The following ARPC2 variants were observed in gnomAD, a reference collection of about 807,000 sequenced individuals.
ARPC2 encodes actin-related protein 2/3 complex subunit 2.
A neutral mutation model predicts 38.6 loss-of-function variants in ARPC2; 4 were observed. The observed-to-expected ratio is 0.10, with a 90% CI of 0.05 to 0.24. ARPC2 has a LOEUF of 0.24. Among genes scored for constraint, ARPC2 ranks in the 10% least tolerant of loss-of-function variants. ARPC2 has a pLI of 1.00. For missense variants in ARPC2, 229 were observed against 387.3 expected (o/e 0.59, Z 3.43); for synonymous variants, 125 against 140.8 (o/e 0.89, Z 0.79).
rs143905486 is a variant in ARPC2 at position 218,225,874 on chromosome 2, C to G, written c.75-46C>G. Reference sequence around the variant, plus strand: ...CTTTCCAGTTCCCTTTGAAGGTAAGCAGCAATACAGTCATCTTAACTGAGG... The same window carrying G: ...CTTTCCAGTTCCCTTTGAAGGTAAGGAGCAATACAGTCATCTTAACTGAGG... On this transcript the variant is annotated intron_variant, in intron 2 of 10. Transcript: ENST00000315717. The G allele has an allele frequency of 1.7e-3, 2,695 of 1,597,126 alleles. 45 individuals are homozygous for G. The African/African-American group carries it at 0.032, about 19-fold the overall frequency.
chr2:218,246,952 TG>T (rs1316950469), intron 8 of ARPC2, among the ~76,000 whole-genome samples: 2 of 151,846 alleles, frequency 1.3e-5, no homozygotes, highest in African/African-American at 4.9e-5. Context: ...CGCTCCAGCC[TG>T]GGAGACTGTC....
chr2:218,242,182 A>AC (rs1689931342), intron 7 of ARPC2, among the ~76,000 whole-genome samples: 1 of 152,206 alleles, frequency 6.6e-6, no homozygotes, highest in South Asian at 2.1e-4. Flanking sequence ...TCAGAAAAAG[A>AC]CAGGAAGTGT....
intron 10 of ARPC2, among the ~76,000 whole-genome samples, chr2:218,251,811 ACT>A (rs1215210809): frequency 1.3e-5 from 2 of 151,850 alleles, no homozygotes; most frequent in Non-Finnish European, 2.9e-5. Context: ...AGGGCTTTAC[ACT>A]CTCTCTCTTG....
At chr2:218,218,390 A>T (rs1689308807) in intron 2 of ARPC2, among the ~76,000 whole-genome samples, 1 of 152,266 alleles carries the variant, frequency 6.6e-6, no homozygotes, top group South Asian at 2.1e-4. Flanking sequence ...ACTTTTTAAA[A>T]GATGGGCTTA....
Position 218,252,585 on chromosome 2 carries a change from G to A in ARPC2, c.879-1306G>A, listed in dbSNP as rs1438183191. ...CCAGTAGACAGGCAGTTCAGTAGAG[G>A]CCAAGAGGTAAACTGGCAGCCAGGT... On this transcript the variant is annotated intron_variant, in intron 10 of 10. Coordinates refer to ENST00000315717, the MANE Select transcript of ARPC2 (RefSeq NM_152862.3). 2.0e-5 allele frequency among the ~76,000 whole-genome samples: 3 copies of A among 152,300 alleles called. No individual in the cohort carries two copies. The East Asian group carries it at 5.8e-4, about 29-fold the overall frequency.
intron 3 of ARPC2, among the ~76,000 whole-genome samples, chr2:218,226,626 CAAAAA>C (rs34789459): frequency 1.6e-5 from 1 of 61,488 alleles, no homozygotes; most frequent in Non-Finnish European, 2.8e-5. Context: ...GACTCCATCT[CAAAAA>C]AAAAAAAAAA....
intron 3 of ARPC2, chr2:218,227,037 A>G (rs1285906919): frequency 4.4e-6 from 2 of 456,482 alleles, no homozygotes; most frequent in Non-Finnish European, 8.8e-6. Context: ...TTCTACAACA[A>G]GAGTCCTCGA....
At chr2:218,247,187 G>T (rs1368381064) in intron 8 of ARPC2, among the ~76,000 whole-genome samples, 1 of 152,196 alleles carries the variant, frequency 6.6e-6, no homozygotes, top group Non-Finnish European at 1.5e-5. Flanking sequence ...TCTGTCATTT[G>T]GCAATTCTTG....
At chr2:218,240,017 C>T (rs1427154048) in intron 7 of ARPC2, among the ~76,000 whole-genome samples, 5 of 151,428 alleles carry the variant, frequency 3.3e-5, no homozygotes, top group African/African-American at 1.2e-4. Flanking sequence ...TGTAGTGGCA[C>T]GAACTCAGCT....
intron 7 of ARPC2, among the ~76,000 whole-genome samples, chr2:218,243,917 A>G (rs574081764): frequency 6.6e-6 from 1 of 152,364 alleles, no homozygotes; most frequent in Admixed American, 6.5e-5. Flanking sequence ...TGAATACCAC[A>G]TGTACCTGTG....
intron 2 of ARPC2, among the ~76,000 whole-genome samples, chr2:218,225,060 A>G (rs537504597): frequency 8.0e-4 from 122 of 152,344 alleles, no homozygotes; most frequent in African/African-American, 2.8e-3. Context: ...TGGTAAGGCA[A>G]TAGTCTTCAT....
intron 7 of ARPC2, among the ~76,000 whole-genome samples, chr2:218,241,705 A>G (rs569493665): frequency 6.6e-6 from 1 of 152,342 alleles, no homozygotes; most frequent in South Asian, 2.1e-4. Flanking sequence ...TTGGCATATG[A>G]TTTAAATGCC....
intron 7 of ARPC2, among the ~76,000 whole-genome samples, chr2:218,241,368 C>T (rs1365751602): frequency 6.6e-6 from 1 of 152,154 alleles, no homozygotes; most frequent in Non-Finnish European, 1.5e-5. Flanking sequence ...GACACTTCAG[C>T]ATTTGCTAGT....
intron 1 of ARPC2, 66 bp from the exon 2 acceptor site, chr2:218,217,397 C>G: frequency 1.3e-6 from 2 of 1,510,252 alleles, no homozygotes; most frequent in Non-Finnish European, 1.8e-6. Context: ...AGCAGGGCCG[C>G]TCCCTCCGTC....
intron 5 of ARPC2, 122 bp downstream of exon 5, chr2:218,234,519 A>AGCTC: frequency 1.2e-6 from 1 of 838,696 alleles, no homozygotes; most frequent in Non-Finnish European, 1.9e-6. Flanking sequence ...GCATGAGCCC[A>AGCTC]TTCCTAATTT....
chr2:218,237,935 T>C (rs1014251736), intron 5 of ARPC2, among the ~76,000 whole-genome samples: 34 of 152,216 alleles, frequency 2.2e-4, no homozygotes, highest in African/African-American at 7.9e-4. Context: ...CAAAATAGAG[T>C]GCCCTACACT....
intron 10 of ARPC2, among the ~76,000 whole-genome samples, 173 bp downstream of exon 10, chr2:218,250,094 C>G (rs1219637502): frequency 6.6e-6 from 1 of 152,060 alleles, no homozygotes; most frequent in Non-Finnish European, 1.5e-5. Flanking sequence ...GCCATATAGG[C>G]CAGGATGGGT....
rs1257537129 is a variant in ARPC2, at chr2:218,249,837, G to A, written c.794G>A (p.Arg265His). The part of the protein sequence containing the change: ...IKCSKAYIHT[R>H]MRAKTSDFLK... ...TGTTCCCAGGCCTATATTCACACACGTATGCGGGCGAAAACGTCTGACTTC... is the reference window on the plus strand; with the variant it reads ...TGTTCCCAGGCCTATATTCACACACATATGCGGGCGAAAACGTCTGACTTC... The change falls in exon 10 of 11, where the codon CGT becomes CAT. Residue 265 changes from arginine (R) to histidine (H), a missense_variant. Physicochemically the swap from Arg to His is conservative, Grantham distance 29 (BLOSUM62 0). This residue lies in a region of ARPC2 where 92 missense variants were observed against 152.3 expected (regional missense o/e 0.60). Transcript: ENST00000315717. The A allele has an allele frequency of 1.9e-6, 3 of 1,613,716 alleles. No individual in the cohort carries two copies. The highest frequency in any genetic ancestry group is 2.5e-6 in the Non-Finnish European group (3 of 1,179,872).
chr2:218,228,948 A>G (rs1051735), intron 4 of ARPC2, 98 bp downstream of exon 4: 4 of 723,130 alleles, frequency 5.5e-6, no homozygotes, highest in African/African-American at 5.4e-5. Context: ...TCACCCCCAC[A>G]TGACTACTTG....
Sources: allele counts gnomAD v4.1 joint callset (sites outside exome capture counted in the v4.1 genomes callset), GRCh38; gene constraint gnomAD v4.1.1; regional missense constraint gnomAD v4.1.1; transcripts MANE v1.5; gene names NCBI Gene and HGNC (gene_info 2026-07-23, HGNC 2026-07-21).